C12orf42: variants seen among roughly 807,000 people sequenced by gnomAD.
C12orf42 encodes the protein chromosome 12 open reading frame 42, also known as uncharacterized protein C12orf42.
In C12orf42, 25 loss-of-function variants were observed where a neutral mutation model predicts 21.6. That is an observed-to-expected ratio of 1.16 (90% CI 0.84 to 1.62). The LOEUF (loss-of-function observed/expected upper bound fraction) is 1.62, where lower values mean the gene tolerates loss of function less well. Ranked by LOEUF, C12orf42 falls within the 40% of genes most tolerant of loss-of-function variation. The pLI is 0.00. For synonymous variants in C12orf42, 174 were observed against 175.0 expected, an observed-to-expected ratio of 0.99 and a Z score of 0.05; for missense variants, 483 against 459.3, an observed-to-expected ratio of 1.05 and a Z score of -0.47.
At chr12:103,203,971 T>C in the C12orf42 span, among the ~76,000 whole-genome samples, 1 of 152,190 alleles carries the variant, frequency 6.6e-6, no homozygotes, top group Non-Finnish European at 1.5e-5. Context: ...ACCAGGTTAC[T>C]TTCCCCTATA....
the C12orf42 span, among the ~76,000 whole-genome samples, chr12:103,079,964 G>T: frequency 1.3e-5 from 2 of 152,134 alleles, no homozygotes; most frequent in Non-Finnish European, 2.9e-5. Flanking sequence ...ATTCCATCTA[G>T]TCTGTAATTG....
At chr12:103,410,202 G>A (rs1166661956) in intron 2 of C12orf42, among the ~76,000 whole-genome samples, 1 of 152,144 alleles carries the variant, frequency 6.6e-6, no homozygotes, top group Non-Finnish European at 1.5e-5. Context: ...GTTTCTTGCA[G>A]CCACCCACTT....
chr12:103,374,964 G>A (rs1000744734), intron 3 of C12orf42, among the ~76,000 whole-genome samples: 5 of 152,276 alleles, frequency 3.3e-5, no homozygotes, highest in Non-Finnish European at 4.4e-5. Flanking sequence ...GGTAATTTAC[G>A]TATTCCAGAA....
the C12orf42 span, among the ~76,000 whole-genome samples, chr12:103,206,521 T>TAC: frequency 0.059 from 8,751 of 148,646 alleles, 285 homozygotes; most frequent in Non-Finnish European, 0.074. Flanking sequence ...TTTTCTATAT[T>TAC]ACACACACAC....
At chr12:103,378,649 A>T (rs2045908902) in intron 3 of C12orf42, 1 of 152,240 alleles carries the variant, frequency 6.6e-6, no homozygotes, top group Non-Finnish European at 1.5e-5. Context: ...AGTAGCTAAC[A>T]CACGGCTTGG....
intron 2 of C12orf42, among the ~76,000 whole-genome samples, chr12:103,434,635 G>T (rs1157281518): frequency 6.6e-6 from 1 of 152,150 alleles, no homozygotes; most frequent in Non-Finnish European, 1.5e-5. Flanking sequence ...AAAGAAAGGG[G>T]TGACTGACGC....
downstream of C12orf42, among the ~76,000 whole-genome samples, chr12:103,233,244 G>A (rs1480274544): frequency 6.6e-6 from 1 of 152,118 alleles, no homozygotes; most frequent in African/African-American, 2.4e-5. Context: ...TAAGTCTTGA[G>A]GTCAGATAGT....
At chr12:103,419,132 A>T (rs1366051339) in intron 2 of C12orf42, among the ~76,000 whole-genome samples, 2 of 152,198 alleles carry the variant, frequency 1.3e-5, no homozygotes, top group African/African-American at 4.8e-5. Flanking sequence ...TCTTTCAATG[A>T]TGGCACATTC....
chr12:103,198,053 G>C, the C12orf42 span, among the ~76,000 whole-genome samples: 4 of 152,182 alleles, frequency 2.6e-5, no homozygotes, highest in East Asian at 5.8e-4. Context: ...TGTGTGTGCT[G>C]CCAGCAGTAG....
chr12:103,341,132 A>G (rs1384709241), intron 4 of C12orf42, among the ~76,000 whole-genome samples: 2 of 150,680 alleles, frequency 1.3e-5, no homozygotes, highest in Non-Finnish European at 3.0e-5. Flanking sequence ...AAAAAAAAAA[A>G]AAAGACACCA....
chr12:103,262,913 T>A (rs531659497), intron 10 of C12orf42, among the ~76,000 whole-genome samples: 43 of 152,268 alleles, frequency 2.8e-4, no homozygotes, highest in Admixed American at 2.4e-3. Context: ...CAAATGTCCA[T>A]CAATGATAGA....
chr12:103,248,677 C>T (rs947038375), intron 10 of C12orf42, among the ~76,000 whole-genome samples: 3 of 151,886 alleles, frequency 2.0e-5, no homozygotes, highest in Non-Finnish European at 2.9e-5. Flanking sequence ...TTTGAGGCAG[C>T]CTTCTGGGAA....
At chr12:103,200,074 C>G in the C12orf42 span, among the ~76,000 whole-genome samples, 138 of 152,060 alleles carry the variant, frequency 9.1e-4, no homozygotes, top group South Asian at 0.015. Flanking sequence ...GATATGGAAA[C>G]AGTCTAAATG....
intron 4 of C12orf42, among the ~76,000 whole-genome samples, chr12:103,323,121 T>C (rs1348553278): frequency 6.6e-6 from 1 of 152,210 alleles, no homozygotes; most frequent in Non-Finnish European, 1.5e-5. Flanking sequence ...TGTAGATGCA[T>C]ATACATATAT....
intron 2 of C12orf42, among the ~76,000 whole-genome samples, chr12:103,457,850 AAAATT>A (rs71438497): frequency 0.022 from 3,412 of 152,282 alleles, 47 homozygotes; most frequent in Middle Eastern, 0.048. Flanking sequence ...CAACCTTTTT[AAAATT>A]AAAAACTTCA....
At chr12:103,293,406 G>A (rs2036949606) in intron 4 of C12orf42, among the ~76,000 whole-genome samples, 1 of 152,056 alleles carries the variant, frequency 6.6e-6, no homozygotes, top group African/African-American at 2.4e-5. Flanking sequence ...CCCTCAAAAT[G>A]TATAAGCTTC....
intron 4 of C12orf42, among the ~76,000 whole-genome samples, chr12:103,284,629 G>A (rs576097967): frequency 7.9e-5 from 12 of 152,270 alleles, no homozygotes; most frequent in South Asian, 2.1e-4. Flanking sequence ...TTACAGTATC[G>A]CTAATACCAA....
chr12:103,419,832 T>G (rs1052968334), intron 2 of C12orf42, among the ~76,000 whole-genome samples: 7 of 152,182 alleles, frequency 4.6e-5, no homozygotes, highest in Non-Finnish European at 1.0e-4. Context: ...TGATATTATT[T>G]GCCTCCAGTT....
the C12orf42 span, among the ~76,000 whole-genome samples, chr12:103,226,526 TA>T: frequency 7.9e-5 from 12 of 152,130 alleles, no homozygotes; most frequent in Admixed American, 2.0e-4. Context: ...TGATTTGGGA[TA>T]AAGAAAAAGG....
Sources: gnomAD v4.1 joint callset for allele counts (sites outside exome capture counted in the v4.1 genomes callset) on GRCh38, gnomAD v4.1.1 for gene constraint, MANE v1.5 for transcripts, NCBI Gene and HGNC (gene_info 2026-07-23, HGNC 2026-07-21) for gene names.